The following SGMS1 variants were observed in gnomAD, a reference collection of about 807,000 sequenced individuals.
SGMS1 encodes the protein phosphatidylcholine:ceramide cholinephosphotransferase 1.
In SGMS1, 13 loss-of-function variants were observed where a neutral mutation model predicts 46.2. That is an observed-to-expected ratio of 0.28 (90% CI 0.18 to 0.45). The LOEUF (loss-of-function observed/expected upper bound fraction) is 0.45, where lower values mean the gene tolerates loss of function less well. SGMS1 is among the 20% of genes least tolerant of loss of function. The pLI is 1.00. For synonymous variants in SGMS1, 203 were observed against 187.8 expected (o/e 1.08, Z -0.66); for missense variants, 324 against 519.9 (o/e 0.62, Z 3.66).
chr10:50,392,584 C>T (rs1848789337), intron 6 of SGMS1, among the ~76,000 whole-genome samples: 1 of 152,122 alleles, frequency 6.6e-6, no homozygotes, highest in Non-Finnish European at 1.5e-5. Context: ...CCAGCAAGCG[C>T]CATGCAAAGG....
chr10:50,581,191 T>C (rs1024276871), intron 2 of SGMS1, among the ~76,000 whole-genome samples: 1 of 152,240 alleles, frequency 6.6e-6, no homozygotes, highest in African/African-American at 2.4e-5. Context: ...CGGGGAGTTA[T>C]GGAACTGCAC....
chr10:50,311,300 G>A lies in SGMS1; in HGVS notation c.857C>T (p.Thr286Met). The A allele has an allele frequency of 1.2e-6, 2 of 1,613,838 alleles. No homozygotes were observed. Among genetic ancestry groups the A allele is most frequent in the Non-Finnish European group, 1.7e-6 (2 of 1,179,816 alleles). ...MCGDYLYSGH[T>M]VMLTLTYLFI... is the part of the protein sequence containing the mutation. ...TAAGTAGGTAAGTGTTAGCATGACC[G>A]TGTGGCCGCTGTACAGATAGTCCCC... Residue 286 changes from threonine to methionine, a missense_variant, in exon 9 of 11, where the codon ACG (threonine) becomes ATG (methionine). Thr to Met is a moderately conservative substitution (Grantham distance 81). Transcript: ENST00000361781.
intron 5 of SGMS1, among the ~76,000 whole-genome samples, chr10:50,451,493 TA>T (rs1481997496): frequency 6.6e-6 from 1 of 152,178 alleles, no homozygotes; most frequent in African/African-American, 2.4e-5. Flanking sequence ...TAATACATGC[TA>T]AAAATTATTC....
chr10:50,505,187 C>T (rs1231459124), intron 3 of SGMS1, among the ~76,000 whole-genome samples: 1 of 152,006 alleles, frequency 6.6e-6, no homozygotes. Context: ...CTGCACTCCA[C>T]CCTGGGCAAC....
In SGMS1 at chr10:50,307,144, A is replaced by C. The variant is rs760011341; in HGVS notation, c.1240T>G (p.Ter414GluextTer25). 6.2e-7 allele frequency: 1 copy of C among 1,613,750 alleles called. No individual in the cohort carries two copies. Among genetic ancestry groups the C allele is most frequent in the Admixed American group, 1.7e-5 (1 of 59,990 alleles). The change falls in exon 11 of 11, where the codon TAA becomes GAA. Residue 414 changes from the stop codon to glutamate (E), a stop_lost. Coordinates refer to ENST00000361781, the MANE Select transcript of SGMS1 (RefSeq NM_147156.4). This position sits in a 1 kb window ranked among gnomAD's most constrained non-coding sequence, Gnocchi z 4.2. The stretch of plus-strand genomic sequence containing the variant: ...CTTTTCCCCACTTTGTACAGCTGTT[A>C]TGTGTCATTCACCAGCCGGCTGTAT... The part of the protein sequence containing the change: ...VKYSRLVNDT[*>E]
intron 6 of SGMS1, among the ~76,000 whole-genome samples, chr10:50,404,588 C>T (rs1442051657): frequency 2.6e-5 from 4 of 152,016 alleles, no homozygotes; most frequent in Non-Finnish European, 5.9e-5. Context: ...GGGTGAAGAG[C>T]GAGACCCTGT....
chr10:50,343,906 T>C lies in SGMS1; in HGVS notation c.209A>G (p.Glu70Gly). ...GTTCTTGTGTGCTTCCAAATGGTGC[T>C]CCATTTTCAGGGTTTCTATCATGTC... ...LLDMIETLKMEHHLEAHKNGH... is the reference protein window; with the variant it reads ...LLDMIETLKMGHHLEAHKNGH... Residue 70 changes from glutamate (E) to glycine (G), a missense_variant, in exon 7 of 11, where the codon GAG becomes GGG. By Grantham distance (98) the Glu-to-Gly change is moderately conservative. Transcript: ENST00000361781. 6.2e-7 allele frequency: 1 copy of C among 1,614,172 alleles called. No individual in the cohort carries two copies. The highest frequency in any genetic ancestry group is 8.5e-7 in the Non-Finnish European group (1 of 1,180,028).
chr10:50,555,454 C>T (rs1356089585), intron 2 of SGMS1, among the ~76,000 whole-genome samples: 1 of 152,154 alleles, frequency 6.6e-6, no homozygotes, highest in South Asian at 2.1e-4. Flanking sequence ...CTTATCTGAG[C>T]CAGCCAGAAG....
rs561055274 is a variant in SGMS1, at chr10:50,607,729, G to C, written c.-684+15978C>G. Among the ~76,000 whole-genome samples, 3 of 152,222 alleles carry C rather than the reference G, an allele frequency of 2.0e-5. No homozygotes were observed. The South Asian group carries it at 6.2e-4, about 32-fold the overall frequency. On this transcript the variant is annotated intron_variant, in intron 1 of 10. Coordinates refer to ENST00000361781, the MANE Select transcript of SGMS1 (RefSeq NM_147156.4). ...ATCCAGATATATTCTCCTTCAAACAGTGCACAAAGCTGGGGTTAGGAAATA... is the reference window on the plus strand; with the variant it reads ...ATCCAGATATATTCTCCTTCAAACACTGCACAAAGCTGGGGTTAGGAAATA...
intron 6 of SGMS1, among the ~76,000 whole-genome samples, chr10:50,414,343 T>C (rs1849139473): frequency 6.6e-6 from 1 of 152,280 alleles, no homozygotes; most frequent in Non-Finnish European, 1.5e-5. Flanking sequence ...TGAGTCGAGA[T>C]CATGATGCTG....
chr10:50,619,784 G>T (rs952472224), intron 1 of SGMS1, among the ~76,000 whole-genome samples: 2 of 152,234 alleles, frequency 1.3e-5, no homozygotes, highest in Non-Finnish European at 2.9e-5. Context: ...ACTGAGAGTG[G>T]AGGGGAATCT....
intron 3 of SGMS1, among the ~76,000 whole-genome samples, chr10:50,489,101 T>C (rs935656178): frequency 3.3e-5 from 5 of 152,246 alleles, no homozygotes; most frequent in Admixed American, 2.6e-4. Context: ...AGAGAGAGGA[T>C]GTATTTGCCA....
chr10:50,590,769 T>C (rs1011401528), intron 1 of SGMS1: 4 of 152,156 alleles, frequency 2.6e-5, no homozygotes, highest in African/African-American at 9.7e-5. Flanking sequence ...TCTTAGCAAA[T>C]TCAAATATAC....
At chr10:50,324,594 C>T (rs1295711252) in intron 8 of SGMS1, among the ~76,000 whole-genome samples, 1 of 152,210 alleles carries the variant, frequency 6.6e-6, no homozygotes, top group Non-Finnish European at 1.5e-5. Context: ...ATTTCTTAAG[C>T]TTGATCTGCC....
At chr10:50,417,980 G>T (rs982280472) in intron 6 of SGMS1, 1 of 152,256 alleles carries the variant, frequency 6.6e-6, no homozygotes, top group African/African-American at 2.4e-5. Flanking sequence ...TAGTAGAATT[G>T]GCACTGATTG....
At chr10:50,373,300 G>A (rs547376289) in intron 6 of SGMS1, among the ~76,000 whole-genome samples, 10 of 152,294 alleles carry the variant, frequency 6.6e-5, no homozygotes, top group African/African-American at 1.9e-4. Flanking sequence ...AGGATGGCAT[G>A]TCCTTAATTA....
intron 6 of SGMS1, among the ~76,000 whole-genome samples, chr10:50,375,689 C>T (rs913398113): frequency 6.6e-6 from 1 of 152,068 alleles, no homozygotes; most frequent in East Asian, 1.9e-4. Flanking sequence ...TCCACACAGA[C>T]GTGAAAGATC....
intron 6 of SGMS1, among the ~76,000 whole-genome samples, chr10:50,416,784 T>C (rs1400032950): frequency 6.7e-6 from 1 of 149,208 alleles, no homozygotes; most frequent in Non-Finnish European, 1.5e-5. Flanking sequence ...CAAATTATTT[T>C]AATTATTCCA....
At chr10:50,317,959 A>C (rs371052132) in intron 8 of SGMS1, among the ~76,000 whole-genome samples, 1 of 152,024 alleles carries the variant, frequency 6.6e-6, no homozygotes, top group East Asian at 1.9e-4. Context: ...GCATGCCGCC[A>C]CACCCGGCTA....
Sources: gnomAD v4.1 joint callset for allele counts (sites outside exome capture counted in the v4.1 genomes callset) on GRCh38, gnomAD v4.1.1 for gene constraint, Gnocchi (gnomAD v3.1) non-coding constraint, MANE v1.5 for transcripts, NCBI Gene and HGNC (gene_info 2026-07-23, HGNC 2026-07-21) for gene names.